ERBB4: variants seen among roughly 807,000 people sequenced by gnomAD.
The protein encoded by ERBB4 is receptor tyrosine-protein kinase erbB-4.
In ERBB4, 42 loss-of-function variants were observed where a neutral mutation model predicts 158.0. The ratio of observed to expected loss-of-function variants is 0.27; its 90% CI spans 0.21 to 0.34. The LOEUF is 0.34. Ranked by LOEUF, ERBB4 falls within the 10% of genes least tolerant of loss-of-function variation. ERBB4 has a pLI of 1.00. For missense variants in ERBB4, 1,333 were observed against 1,624.1 expected, an observed-to-expected ratio of 0.82 and a Z score of 3.08; for synonymous variants, 583 against 558.7, an observed-to-expected ratio of 1.04 and a Z score of -0.61.
intron 25 of ERBB4, among the ~76,000 whole-genome samples, chr2:211,418,782 A>G (rs1029952973): frequency 6.6e-6 from 1 of 152,124 alleles, no homozygotes. Flanking sequence ...CAAAGTGTAC[A>G]GAGAGCCTCC....
chr2:212,084,385 A>C (rs1000534279), intron 2 of ERBB4, among the ~76,000 whole-genome samples: 1 of 152,000 alleles, frequency 6.6e-6, no homozygotes, highest in Non-Finnish European at 1.5e-5. Context: ...TTATACGCTG[A>C]AAATTCACAA....
chr2:212,137,105 TAG>T (rs1042325313), intron 1 of ERBB4, among the ~76,000 whole-genome samples: 6 of 152,306 alleles, frequency 3.9e-5, no homozygotes, highest in African/African-American at 1.4e-4. Context: ...CTAAAACATT[TAG>T]ATGAGTAGTG....
intron 25 of ERBB4, among the ~76,000 whole-genome samples, chr2:211,417,682 T>C (rs1327439269): frequency 1.3e-5 from 2 of 152,176 alleles, no homozygotes; most frequent in East Asian, 3.8e-4. Context: ...AAAAGCACTA[T>C]AAAAAATTAC....
At chr2:212,065,497 C>T (rs542206013) in intron 2 of ERBB4, among the ~76,000 whole-genome samples, 1 of 152,008 alleles carries the variant, frequency 6.6e-6, no homozygotes, top group African/African-American at 2.4e-5. Context: ...TATTATTAAT[C>T]AAACATATTT....
chr2:211,785,989 C>T (rs1026513795), intron 4 of ERBB4, among the ~76,000 whole-genome samples: 1 of 151,880 alleles, frequency 6.6e-6, no homozygotes, highest in East Asian at 1.9e-4. Flanking sequence ...TCCATTGCCT[C>T]AAAAAATATT....
chr2:212,442,748 C>A (rs538961224), intron 1 of ERBB4, among the ~76,000 whole-genome samples: 60 of 152,256 alleles, frequency 3.9e-4, no homozygotes, highest in African/African-American at 1.4e-3. Context: ...AGGGTGAGGG[C>A]CATTATGGTG....
intron 17 of ERBB4, 55 bp from the exon 18 acceptor site, chr2:211,624,099 C>A (rs2125858966): frequency 6.2e-7 from 1 of 1,606,886 alleles, no homozygotes; most frequent in South Asian, 1.1e-5. Context: ...AGTCCTCTCT[C>A]TCTGTCTCTC....
intron 2 of ERBB4, among the ~76,000 whole-genome samples, chr2:212,079,494 CTCCTTATT>C (rs1343747386): frequency 3.3e-5 from 5 of 152,046 alleles, no homozygotes; most frequent in Non-Finnish European, 7.4e-5. Context: ...GAATGACTAA[CTCCTTATT>C]TTATTTCTTG....
At chr2:211,457,005 T>C (rs1034299014) in intron 20 of ERBB4, among the ~76,000 whole-genome samples, 13 of 152,242 alleles carry the variant, frequency 8.5e-5, no homozygotes, top group Non-Finnish European at 1.6e-4. Flanking sequence ...TATGATACTT[T>C]GTTATTTATG....
intron 1 of ERBB4, among the ~76,000 whole-genome samples, chr2:212,453,561 G>C (rs6715328): frequency 0.24 from 36,444 of 152,016 alleles, 5,703 homozygotes; most frequent in African/African-American, 0.45. Context: ...TTGATATTAG[G>C]TTAATTTCTT....
intron 2 of ERBB4, among the ~76,000 whole-genome samples, chr2:212,009,958 T>C (rs2076345798): frequency 6.6e-6 from 1 of 152,230 alleles, no homozygotes; most frequent in Admixed American, 6.5e-5. Flanking sequence ...CTATCCCTCA[T>C]AAGCCAGAAT....
chr2:212,382,912 A>C (rs1192792504), intron 1 of ERBB4, among the ~76,000 whole-genome samples: 5 of 151,190 alleles, frequency 3.3e-5, no homozygotes, highest in African/African-American at 1.2e-4. Flanking sequence ...TCTTACTTAC[A>C]ATATTATAAC....
intron 1 of ERBB4, among the ~76,000 whole-genome samples, chr2:212,322,543 A>G (rs1021687194): frequency 2.0e-5 from 3 of 150,812 alleles, no homozygotes; most frequent in Admixed American, 6.6e-5. Flanking sequence ...TAGAACTCCT[A>G]TCACATTCAC....
At chr2:211,481,871 C>G (rs1421256457) in intron 20 of ERBB4, among the ~76,000 whole-genome samples, 1 of 152,106 alleles carries the variant, frequency 6.6e-6, no homozygotes, top group Admixed American at 6.6e-5. Flanking sequence ...ATCTAAAAAA[C>G]AACTTAAAAA....
At position 211,383,325 on chromosome 2, in the gene ERBB4, T is replaced by C. The variant is rs1204804486; in HGVS notation, c.*290A>G. On this transcript the variant is annotated 3_prime_UTR_variant, in exon 28 of 28. Coordinates refer to ENST00000342788, the MANE Select transcript of ERBB4 (RefSeq NM_005235.3). ...AAAAAAGTGACAGCTAGTTTGATAG[T>C]AGGCAGCATTGCCTTACATTTTCTG... 2.8e-6 allele frequency: 1 copy of C among 360,014 alleles called. No homozygotes were observed. Among genetic ancestry groups the C allele is most frequent in the Non-Finnish European group, 5.1e-6 (1 of 196,930 alleles). 22.3% of individuals were successfully genotyped at this position (360,014 alleles called of 1,614,324 possible).
chr2:212,052,077 A>T (rs968327058), intron 2 of ERBB4, among the ~76,000 whole-genome samples: 7 of 152,318 alleles, frequency 4.6e-5, no homozygotes, highest in African/African-American at 1.7e-4. Context: ...GAATGGGAGA[A>T]GCAGACCCAC....
At chr2:212,186,310 C>G (rs755442397) in intron 1 of ERBB4, among the ~76,000 whole-genome samples, 18 of 152,126 alleles carry the variant, frequency 1.2e-4, no homozygotes, top group Non-Finnish European at 2.4e-4. Context: ...ATGTGTGTGC[C>G]TACAAACTGG....
intron 2 of ERBB4, among the ~76,000 whole-genome samples, chr2:212,015,470 G>A (rs991307100): frequency 1.3e-5 from 2 of 151,904 alleles, no homozygotes; most frequent in African/African-American, 4.8e-5. Context: ...CCAACTCTCA[G>A]ACAAATCTTC....
chr2:212,120,802 A>T (rs1011904920), intron 2 of ERBB4, among the ~76,000 whole-genome samples: 1 of 152,236 alleles, frequency 6.6e-6, no homozygotes, highest in Non-Finnish European at 1.5e-5. Flanking sequence ...TAAAACCATT[A>T]TAAGAAATTT....
Sources: allele counts gnomAD v4.1 joint callset (sites outside exome capture counted in the v4.1 genomes callset), GRCh38; gene constraint gnomAD v4.1.1; transcripts MANE v1.5; gene names NCBI Gene and HGNC (gene_info 2026-07-23, HGNC 2026-07-21).